FBXL20: variants seen among roughly 807,000 people sequenced by gnomAD.
FBXL20 encodes F-box/LRR-repeat protein 20.
Under a neutral mutation model 64.0 loss-of-function variants are expected in FBXL20, and 11 were observed. The observed-to-expected ratio is 0.17, with a 90% CI of 0.11 to 0.28. The LOEUF (loss-of-function observed/expected upper bound fraction) is 0.28. FBXL20 is among the 10% of genes least tolerant of loss of function. The pLI is 1.00. For synonymous variants in FBXL20, 184 were observed against 189.0 expected (o/e 0.97, Z 0.22); for missense variants, 303 against 526.2 (o/e 0.58, Z 4.15).
chr17:39,294,504 T>C (rs2047067918), intron 6 of FBXL20, among the ~76,000 whole-genome samples: 1 of 151,902 alleles, frequency 6.6e-6, no homozygotes, highest in South Asian at 2.1e-4. Flanking sequence ...TGGGCTAAAG[T>C]AATCCACCCA....
At chr17:39,266,065 CTTTTTTTTT>C (rs34822405) in intron 12 of FBXL20, among the ~76,000 whole-genome samples, 1 of 62,734 alleles carries the variant, frequency 1.6e-5, no homozygotes, top group Non-Finnish European at 3.0e-5. Context: ...CTCATTCATT[CTTTTTTTTT>C]TTTTTTTTTT....
At chr17:39,271,352 C>T (rs909531674) in intron 10 of FBXL20, among the ~76,000 whole-genome samples, 34 of 152,254 alleles carry the variant, frequency 2.2e-4, no homozygotes, top group Admixed American at 8.5e-4. Context: ...AATCCCAACA[C>T]TTTGGGAGGC....
chr17:39,350,534 A>C (rs1213884714), intron 1 of FBXL20, among the ~76,000 whole-genome samples: 1 of 151,694 alleles, frequency 6.6e-6, no homozygotes, highest in Admixed American at 6.6e-5. Flanking sequence ...AAAAAAAAAA[A>C]ACATAGCTAA....
At chr17:39,298,338 T>C (rs949512578) in intron 5 of FBXL20, among the ~76,000 whole-genome samples, 5 of 151,974 alleles carry the variant, frequency 3.3e-5, no homozygotes, top group Non-Finnish European at 7.4e-5. Context: ...CCTAGATTGG[T>C]CTTGTACTCC....
intron 2 of FBXL20, among the ~76,000 whole-genome samples, chr17:39,305,631 C>A (rs2047174695): frequency 6.6e-6 from 1 of 152,128 alleles, no homozygotes. Flanking sequence ...AGGAGGATAA[C>A]TTGAGGCCAA....
chr17:39,343,177 T>C lies in FBXL20; in HGVS notation c.104+3A>G, dbSNP rs769158452. On this transcript the variant is annotated splice_donor_region_variant and intron_variant, in intron 2 of 14. Coordinates refer to ENST00000264658, the MANE Select transcript of FBXL20 (RefSeq NM_032875.3). ...AACCCATAAAATTAGCATTCAGACT[T>C]ACCGTAACAGGAGTTCTTTGGGAAG... The C allele has an allele frequency of 2.4e-5, 38 of 1,597,248 alleles. No individual in the cohort carries two copies. In the East Asian group the frequency reaches 5.4e-4, roughly 23 times the overall value.
chr17:39,327,111 C>T (rs1426508082), intron 2 of FBXL20, among the ~76,000 whole-genome samples: 1 of 152,026 alleles, frequency 6.6e-6, no homozygotes, highest in Non-Finnish European at 1.5e-5. Context: ...GTCTTAAACT[C>T]CTGACTTCAA....
intron 1 of FBXL20, among the ~76,000 whole-genome samples, chr17:39,380,388 C>T (rs2048010541): frequency 6.6e-6 from 1 of 152,226 alleles, no homozygotes; most frequent in African/African-American, 2.4e-5. Flanking sequence ...TCCCCAACTT[C>T]ACTATGATCT....
chr17:39,264,011 G>A, intron 14 of FBXL20, 164 bp downstream of exon 14: 11 of 736,908 alleles, frequency 1.5e-5, no homozygotes, highest in Non-Finnish European at 2.4e-5. Flanking sequence ...TGGAGCCAGA[G>A]GGAAAAACTA....
intron 12 of FBXL20, among the ~76,000 whole-genome samples, chr17:39,267,756 C>T (rs1427142879): frequency 6.6e-6 from 1 of 151,950 alleles, no homozygotes; most frequent in Non-Finnish European, 1.5e-5. Context: ...ACAGGGGCTA[C>T]AAAATGGTAG....
At chr17:39,321,376 C>G (rs575708520) in intron 2 of FBXL20, among the ~76,000 whole-genome samples, 1 of 150,292 alleles carries the variant, frequency 6.7e-6, no homozygotes, top group African/African-American at 2.5e-5. Context: ...GAGGTTGAAC[C>G]TGGGAGTTGA....
intron 2 of FBXL20, among the ~76,000 whole-genome samples, chr17:39,307,634 T>C (rs887263057): frequency 6.6e-6 from 1 of 152,004 alleles, no homozygotes; most frequent in African/African-American, 2.4e-5. Context: ...ATCTTATAGA[T>C]GAGGATATTG....
chr17:39,304,283 C>T (rs892789947), intron 2 of FBXL20, among the ~76,000 whole-genome samples: 1 of 151,756 alleles, frequency 6.6e-6, no homozygotes, highest in Non-Finnish European at 1.5e-5. Flanking sequence ...GGGGAAGGAT[C>T]TTTTTTTGTT....
intron 2 of FBXL20, among the ~76,000 whole-genome samples, chr17:39,336,003 C>A (rs891945421): frequency 5.3e-5 from 8 of 151,990 alleles, no homozygotes; most frequent in Admixed American, 5.3e-4. Context: ...GCGTGTAGTC[C>A]CAGCTACTCA....
chr17:39,317,131 A>G (rs1296279408), intron 2 of FBXL20, among the ~76,000 whole-genome samples: 1 of 152,236 alleles, frequency 6.6e-6, no homozygotes, highest in African/African-American at 2.4e-5. Flanking sequence ...ATTGAATCCA[A>G]ACAGATTTTT....
At chr17:39,354,890 T>C (rs945325964) in intron 1 of FBXL20, among the ~76,000 whole-genome samples, 1 of 152,168 alleles carries the variant, frequency 6.6e-6, no homozygotes, top group African/African-American at 2.4e-5. Context: ...AGCCCACTTA[T>C]TTCAAGGGAT....
chr17:39,319,673 C>CAAAAAAAA (rs71300077), intron 2 of FBXL20, among the ~76,000 whole-genome samples: 21 of 47,274 alleles, frequency 4.4e-4, no homozygotes, highest in African/African-American at 1.0e-3. Flanking sequence ...GACTCCATAT[C>CAAAAAAAA]AAAAAAAAAA....
At chr17:39,348,974 G>A (rs886065441) in intron 1 of FBXL20, among the ~76,000 whole-genome samples, 5 of 151,946 alleles carry the variant, frequency 3.3e-5, no homozygotes, top group Admixed American at 2.0e-4. Context: ...GGATTAGGCC[G>A]GGCACAGCAG....
At chr17:39,382,442 CAAAA>C (rs543348192) in intron 1 of FBXL20, among the ~76,000 whole-genome samples, 4,437 of 88,204 alleles carry the variant, frequency 0.05, 95 homozygotes, top group African/African-American at 0.096. Context: ...GACTCCATCT[CAAAA>C]AAAAAAAAAA....
Sources: gnomAD v4.1 joint callset for allele counts (sites outside exome capture counted in the v4.1 genomes callset) on GRCh38, gnomAD v4.1.1 for gene constraint, MANE v1.5 for transcripts, NCBI Gene and HGNC (gene_info 2026-07-23, HGNC 2026-07-21) for gene names.